Variants in SPTBN1 observed in about 807,000 individuals in gnomAD.
SPTBN1 encodes the protein spectrin beta, non-erythrocytic 1, also known as spectrin beta chain, non-erythrocytic 1.
SPTBN1 carries 32 observed loss-of-function variants against 266.4 expected under a neutral mutation model. The observed-to-expected ratio is 0.12, with a 90% CI of 0.09 to 0.16. SPTBN1 has a LOEUF of 0.16. Among genes scored for constraint, SPTBN1 ranks in the 10% least tolerant of loss-of-function variants. SPTBN1 has a pLI of 1.00. For synonymous variants in SPTBN1, 1,336 were observed against 1,162.2 expected (o/e 1.15, Z -3.04); for missense variants, 2,296 against 3,067.1 (o/e 0.75, Z 5.94).
At position 54,558,617 on chromosome 2, in the gene SPTBN1, C is replaced by T. The variant is rs1273999789; in HGVS notation, c.148+32051C>T. 15 of 1,438,822 alleles carry T rather than the reference C, an allele frequency of 1.0e-5. No homozygotes were observed. In the East Asian group the frequency reaches 3.7e-4, roughly 36 times the overall value. The allele number at this position is 1,438,822 out of a possible 1,614,324, so 89.1% of individuals were successfully genotyped here. A position where few individuals can be genotyped will look rare whatever the true frequency, so the allele number is the denominator to read the frequency against. On this transcript the variant is annotated intron_variant, in intron 2 of 35. Transcript: ENST00000356805. This position sits in a 1 kb window ranked among gnomAD's most constrained non-coding sequence, Gnocchi z 4.6. The stretch of plus-strand genomic sequence containing the variant: ...CGCGGAGCTAAGGTGGACTCTCTTG[C>T]AGCCAACTTCCCATCAGATCACCCT...
chr2:54,588,945 T>C (rs1022830714), intron 2 of SPTBN1, among the ~76,000 whole-genome samples: 8 of 152,196 alleles, frequency 5.3e-5, no homozygotes, highest in African/African-American at 1.4e-4. Flanking sequence ...TTTTTAACTT[T>C]TGTGGATACA....
At chr2:54,594,926 CT>C (rs1167964363) in intron 2 of SPTBN1, among the ~76,000 whole-genome samples, 1 of 145,528 alleles carries the variant, frequency 6.9e-6, no homozygotes, top group East Asian at 2.0e-4. Context: ...CCTTTTTCTC[CT>C]GGGTTCAAGT....
chr2:54,661,547 G>T, intron 32 of SPTBN1: 1 of 985,700 alleles, frequency 1.0e-6, no homozygotes, highest in Non-Finnish European at 1.2e-6. Context: ...ATAGATAGAT[G>T]CCAAGCTTCT....
chr2:54,463,162 G>A (rs1693454165), intron 1 of SPTBN1, among the ~76,000 whole-genome samples: 1 of 151,698 alleles, frequency 6.6e-6, no homozygotes, highest in African/African-American at 2.4e-5. Context: ...ATGGGAAAAT[G>A]GTTGTGAAGG....
chr2:54,645,478 T>C lies in SPTBN1; in HGVS notation c.4494+25T>C, dbSNP rs1679861258. 2.5e-6 allele frequency: 4 copies of C among 1,609,342 alleles called. No homozygotes were observed. The highest frequency in any genetic ancestry group is 1.3e-5 in the African/African-American group (1 of 74,788). On this transcript the variant is annotated intron_variant, in intron 21 of 35. Coordinates refer to ENST00000356805, the MANE Select transcript of SPTBN1 (RefSeq NM_003128.3). This position sits in a 1 kb window ranked among gnomAD's most constrained non-coding sequence, Gnocchi z 4.3. ...CGTGAGTCGACCCCTACTGCACACATGGCTTTTCCACGAGCCCCCTTGCCT... is the reference window on the plus strand; with the variant it reads ...CGTGAGTCGACCCCTACTGCACACACGGCTTTTCCACGAGCCCCCTTGCCT...
intron 2 of SPTBN1, among the ~76,000 whole-genome samples, chr2:54,586,556 T>C (rs1453880492): frequency 6.6e-6 from 1 of 152,220 alleles, no homozygotes; most frequent in African/African-American, 2.4e-5. Context: ...AGGACTTCTG[T>C]ATCTTAGCTT....
At chr2:54,655,872 G>A in intron 28 of SPTBN1, 42 bp from the exon 29 acceptor site, 1 of 1,479,742 alleles carries the variant, frequency 6.8e-7, no homozygotes. Flanking sequence ...AGGATGTGGT[G>A]CATTCCATTA....
chr2:54,572,423 G>A (rs10205331), intron 2 of SPTBN1, among the ~76,000 whole-genome samples: 1 of 151,710 alleles, frequency 6.6e-6, no homozygotes, highest in Non-Finnish European at 1.5e-5. Context: ...TTTTCTAACC[G>A]CGAGTGTCTT....
intron 1 of SPTBN1, among the ~76,000 whole-genome samples, chr2:54,460,254 C>A (rs1419294072): frequency 6.6e-6 from 1 of 152,160 alleles, no homozygotes; most frequent in African/African-American, 2.4e-5. Context: ...TCAAAAGTTT[C>A]CTTCTTGAAT....
At chr2:54,538,772 C>G (rs546505176) in intron 2 of SPTBN1, among the ~76,000 whole-genome samples, 5 of 152,144 alleles carry the variant, frequency 3.3e-5, no homozygotes, top group Non-Finnish European at 7.3e-5. Context: ...CTGCAGACGC[C>G]TTAGACTTTT....
chr2:54,665,846 TGTTTA>T, intron 33 of SPTBN1, 64 bp from the exon 34 acceptor site: 1 of 1,504,984 alleles, frequency 6.6e-7, no homozygotes, highest in Non-Finnish European at 9.0e-7. Flanking sequence ...GTTAATGAAA[TGTTTA>T]GTTCTTTAAG....
At chr2:54,501,970 AAT>A (rs1172022839) in intron 1 of SPTBN1, among the ~76,000 whole-genome samples, 1 of 152,180 alleles carries the variant, frequency 6.6e-6, no homozygotes, top group Non-Finnish European at 1.5e-5. Context: ...CATCTTCTGG[AAT>A]ATTTGCGCTA....
intron 15 of SPTBN1, 22 bp from the exon 16 acceptor site, chr2:54,630,824 TCACACTCGC>T: frequency 6.5e-7 from 1 of 1,531,824 alleles, no homozygotes; most frequent in Non-Finnish European, 8.8e-7. Flanking sequence ...CTTCCCTTTT[TCACACTCGC>T]TGTCTGCCCC....
In SPTBN1 at chr2:54,649,542, AGG is replaced by A; in HGVS notation, c.5203-71_5203-70del. ...TTGCTTAGAGGCAGTTTCTTTCCAA[AGG>A]GTATTCATGTGATCAAGAAATACAG... On this transcript the variant is annotated intron_variant, in intron 25 of 35. Transcript: ENST00000356805. The surrounding 1 kb of genome is among the most constrained non-coding windows in gnomAD (Gnocchi z 6.7). 3 of 1,540,040 alleles carry A rather than the reference AGG, an allele frequency of 1.9e-6. No homozygotes were observed. Among genetic ancestry groups the A allele is most frequent in the Non-Finnish European group, 2.6e-6 (3 of 1,141,586 alleles).
intron 3 of SPTBN1, among the ~76,000 whole-genome samples, chr2:54,602,808 A>G (rs1676587896): frequency 6.6e-6 from 1 of 152,222 alleles, no homozygotes; most frequent in Non-Finnish European, 1.5e-5. Flanking sequence ...TAGATTTAAC[A>G]TGAGATTTGT....
Position 54,670,677 on chromosome 2 carries a change from A to G in SPTBN1, c.*2108A>G, listed in dbSNP as rs1179111478. 1.5e-5 allele frequency: 6 copies of G among 398,530 alleles called. No homozygotes were observed. Among genetic ancestry groups the G allele is most frequent in the Non-Finnish European group, 2.2e-5 (5 of 226,074 alleles). 24.7% of individuals were successfully genotyped at this position (398,530 alleles called of 1,614,324 possible). A position where few individuals can be genotyped will look rare whatever the true frequency, so the allele number is the denominator to read the frequency against. On this transcript the variant is annotated 3_prime_UTR_variant, in exon 36 of 36. Transcript: ENST00000356805. ...GCTGTGCAGATGGCAATAAGTTCATACCAGCAATCCTGGAGTCCCATAATA... is the reference window on the plus strand; with the variant it reads ...GCTGTGCAGATGGCAATAAGTTCATGCCAGCAATCCTGGAGTCCCATAATA...
intron 4 of SPTBN1, among the ~76,000 whole-genome samples, chr2:54,613,538 G>A (rs985744897): frequency 6.6e-6 from 1 of 152,146 alleles, no homozygotes; most frequent in Admixed American, 6.5e-5. Context: ...TTCCTGCCTG[G>A]CTGGTTCCCA....
rs556135289 is a variant in SPTBN1, at chr2:54,460,695, T to C, written c.-48+4177T>C. 1.3e-5 allele frequency among the ~76,000 whole-genome samples: 2 copies of C among 152,294 alleles called. 1 individual carries two copies. The highest frequency in any genetic ancestry group is 4.2e-4 in the South Asian group (2 of 4,818). On this transcript the variant is annotated intron_variant, in intron 1 of 35. Coordinates refer to ENST00000356805, the MANE Select transcript of SPTBN1 (RefSeq NM_003128.3). ...TAGGTACAAAATAATGTTCCTAAAA[T>C]ATATGTTAAAGAATCGTAAACCAGC...
At position 54,664,445 on chromosome 2, in the gene SPTBN1, G is replaced by T. The variant is rs1006209618; in HGVS notation, c.6421-8G>T. ...GAGTTAGCTGAATGGCCTCTCCGCTGTCCCTAGATGGCAGAAACGGTGGAC... is the reference window on the plus strand; with the variant it reads ...GAGTTAGCTGAATGGCCTCTCCGCTTTCCCTAGATGGCAGAAACGGTGGAC... On this transcript the variant is annotated splice_polypyrimidine_tract_variant and splice_region_variant and intron_variant, in intron 32 of 35. Transcript: ENST00000356805. This position sits in a 1 kb window ranked among gnomAD's most constrained non-coding sequence, Gnocchi z 5.6. 6.2e-7 allele frequency: 1 copy of T among 1,608,402 alleles called. No homozygotes were observed. Among genetic ancestry groups the T allele is most frequent in the South Asian group, 1.1e-5 (1 of 90,946 alleles).
Sources: gnomAD v4.1 joint callset for allele counts (sites outside exome capture counted in the v4.1 genomes callset) on GRCh38, gnomAD v4.1.1 for gene constraint, Gnocchi (gnomAD v3.1) non-coding constraint, MANE v1.5 for transcripts, NCBI Gene and HGNC (gene_info 2026-07-23, HGNC 2026-07-21) for gene names.